NLGN4X: variants seen among roughly 807,000 people sequenced by gnomAD.
NLGN4X encodes neuroligin 4 X-linked.
A neutral mutation model predicts 40.3 loss-of-function variants in NLGN4X; 3 were observed. That is an observed-to-expected ratio of 0.07 (90% confidence interval 0.03 to 0.19). The LOEUF (loss-of-function observed/expected upper bound fraction) is 0.19. NLGN4X is among the 10% of genes least tolerant of loss of function. The pLI is 1.00. For missense variants in NLGN4X, 382 were observed against 708.3 expected, an observed-to-expected ratio of 0.54 and a Z score of 5.23; for synonymous variants, 270 against 306.8, an observed-to-expected ratio of 0.88 and a Z score of 1.25.
chrX:5,991,302 G>A (rs1320045595), intron 3 of NLGN4X: 8 of 374,414 alleles, frequency 2.1e-5, no homozygotes, highest in Non-Finnish European at 3.9e-5. Flanking sequence ...GTTCTTCTTA[G>A]GGGATTCCTC....
chrX:6,021,121 T>C (rs1035393548), intron 3 of NLGN4X, among the ~76,000 whole-genome samples: 4 of 91,909 alleles, frequency 4.4e-5, no homozygotes, highest in Middle Eastern at 5.2e-3. Context: ...TCTTTCTTTC[T>C]TTCTGAGACA....
chrX:6,180,987 A>G (rs1921381419), intron 1 of NLGN4X, among the ~76,000 whole-genome samples: 1 of 111,489 alleles, frequency 9.0e-6, no homozygotes, highest in Non-Finnish European at 1.9e-5. Context: ...GGGAAAACCA[A>G]TATTGCATTC....
chrX:5,965,672 A>G (rs1284177324), intron 3 of NLGN4X, among the ~76,000 whole-genome samples: 1 of 111,934 alleles, frequency 8.9e-6, no homozygotes, highest in Non-Finnish European at 1.9e-5. Context: ...CTTCCCAGCC[A>G]CACTCCTTAT....
chrX:5,974,736 G>A (rs2035125615), intron 3 of NLGN4X, among the ~76,000 whole-genome samples: 1 of 111,923 alleles, frequency 8.9e-6, no homozygotes, highest in Non-Finnish European at 1.9e-5. Flanking sequence ...AACACAGATA[G>A]TACTGAACCT....
intron 3 of NLGN4X, among the ~76,000 whole-genome samples, chrX:5,978,518 T>C (rs754697194): frequency 9.0e-6 from 1 of 111,357 alleles, no homozygotes; most frequent in Admixed American, 9.7e-5. Context: ...ATGTCTGAGA[T>C]GCCATAAGGC....
chrX:6,198,751 T>A (rs191731738), intron 1 of NLGN4X, among the ~76,000 whole-genome samples: 18 of 111,212 alleles, frequency 1.6e-4, no homozygotes, highest in Admixed American at 1.3e-3. Context: ...GTGGGACCCA[T>A]GAAAAGCAAG....
In NLGN4X at chrX:6,145,874, G is replaced by C. The variant is rs1176117300; in HGVS notation, c.472+5121C>G. ...GCAATGGCTTATGCTGGTAATGCCAGCATTTTGGGAGGCCGAGGTGGGAGG... is the reference window on the plus strand; with the variant it reads ...GCAATGGCTTATGCTGGTAATGCCACCATTTTGGGAGGCCGAGGTGGGAGG... On this transcript the variant is annotated intron_variant, in intron 2 of 5. Transcript: ENST00000381095. Among the ~76,000 whole-genome samples the C allele has an allele frequency of 5.4e-5, 6 of 110,616 alleles. No homozygotes were observed. The Admixed American group carries it at 5.8e-4, about 11-fold the overall frequency.
chrX:6,055,271 G>A (rs376692209), intron 2 of NLGN4X, among the ~76,000 whole-genome samples: 1 of 112,002 alleles, frequency 8.9e-6, no homozygotes, highest in South Asian at 3.7e-4. Flanking sequence ...TAGCCGGGAG[G>A]ATCATTTGAG....
chrX:6,097,517 C>A (rs926283352), intron 2 of NLGN4X, among the ~76,000 whole-genome samples: 1 of 111,498 alleles, frequency 9.0e-6, no homozygotes, highest in Admixed American at 9.5e-5. Context: ...CCTAGTTAGT[C>A]CCTCTATGTG....
intron 3 of NLGN4X, among the ~76,000 whole-genome samples, chrX:6,021,876 C>G (rs1383890640): frequency 9.1e-6 from 1 of 110,454 alleles, no homozygotes; most frequent in Non-Finnish European, 1.9e-5. Context: ...TGCCAACTCC[C>G]CAGGCTGGCT....
At chrX:5,932,566 G>T (rs1338390678) in intron 3 of NLGN4X, among the ~76,000 whole-genome samples, 2 of 111,648 alleles carry the variant, frequency 1.8e-5, no homozygotes, top group African/African-American at 6.5e-5. Flanking sequence ...TCAAATAGGA[G>T]ATTATAATAA....
intron 2 of NLGN4X, among the ~76,000 whole-genome samples, chrX:6,146,065 T>C (rs572360138): frequency 4.7e-5 from 5 of 107,348 alleles, no homozygotes; most frequent in African/African-American, 6.9e-5. Flanking sequence ...CAGGGAGCTA[T>C]GAGTGCACCA....
intron 1 of NLGN4X, among the ~76,000 whole-genome samples, chrX:6,167,660 G>T (rs1379347819): frequency 3.6e-5 from 4 of 111,695 alleles, no homozygotes; most frequent in Non-Finnish European, 7.5e-5. Flanking sequence ...TTCCGGGAAT[G>T]AACAGAATCA....
chrX:6,117,299 G>A (rs1431982241), intron 2 of NLGN4X, among the ~76,000 whole-genome samples: 1 of 110,753 alleles, frequency 9.0e-6, no homozygotes, highest in Non-Finnish European at 1.9e-5. Context: ...CCTGTGGCTG[G>A]TTCAATCTAC....
chrX:6,072,072 T>C (rs1384790534), intron 2 of NLGN4X, among the ~76,000 whole-genome samples: 2 of 110,826 alleles, frequency 1.8e-5, no homozygotes, highest in African/African-American at 3.3e-5. Flanking sequence ...AAGCAGGGCA[T>C]GTATTTTCTG....
intron 3 of NLGN4X, among the ~76,000 whole-genome samples, chrX:5,927,823 C>A (rs953602840): frequency 8.9e-6 from 1 of 112,379 alleles, no homozygotes; most frequent in Admixed American, 9.5e-5. Flanking sequence ...CTATATTGAG[C>A]TAAACATCTT....
intron 2 of NLGN4X, among the ~76,000 whole-genome samples, chrX:6,072,743 C>T (rs1197377717): frequency 2.7e-5 from 3 of 111,328 alleles, no homozygotes; most frequent in African/African-American, 9.8e-5. Context: ...CTTGTGAATG[C>T]TGCCTTGATG....
intron 1 of NLGN4X, among the ~76,000 whole-genome samples, chrX:6,180,242 G>A (rs889208832): frequency 6.3e-5 from 7 of 111,568 alleles, no homozygotes; most frequent in South Asian, 3.8e-4. Context: ...ATCTCCTGTC[G>A]AACTGTAATT....
intron 1 of NLGN4X, among the ~76,000 whole-genome samples, chrX:6,154,676 A>C (rs961928388): frequency 8.9e-6 from 1 of 112,351 alleles, no homozygotes; most frequent in Non-Finnish European, 1.9e-5. Context: ...TAATGGATTA[A>C]AAATTTTAAT....
Sources: allele counts gnomAD v4.1 joint callset (sites outside exome capture counted in the v4.1 genomes callset), GRCh38; gene constraint gnomAD v4.1.1; transcripts MANE v1.5; gene names NCBI Gene and HGNC (gene_info 2026-07-23, HGNC 2026-07-21).